SYNPO2: variants seen among roughly 807,000 people sequenced by gnomAD.
SYNPO2 encodes synaptopodin-2.
In SYNPO2, 56 loss-of-function variants were observed where a neutral mutation model predicts 85.0. The observed-to-expected ratio is 0.66, with a 90% CI of 0.53 to 0.82. The LOEUF is 0.82. SYNPO2 is among the 40% of genes least tolerant of loss of function. SYNPO2 has a pLI of 0.00. For missense variants in SYNPO2, 1,575 were observed against 1,534.2 expected, an observed-to-expected ratio of 1.03 and a Z score of -0.44; for synonymous variants, 602 against 591.1, an observed-to-expected ratio of 1.02 and a Z score of -0.27.
upstream of SYNPO2, among the ~76,000 whole-genome samples, chr4:118,887,310 G>T (rs1432055543): frequency 1.3e-5 from 2 of 151,924 alleles, no homozygotes; most frequent in Non-Finnish European, 2.9e-5. Context: ...GGAATAAGTG[G>T]GTTGGAGGAG....
chr4:118,879,297 G>C (rs554982448), intron 1 of SYNPO2, among the ~76,000 whole-genome samples: 4 of 152,320 alleles, frequency 2.6e-5, no homozygotes, highest in South Asian at 4.1e-4. Context: ...TGCCAATTCA[G>C]AGAGGGTTAG....
At chr4:118,866,105 T>C (rs1300423064) in intron 1 of SYNPO2, among the ~76,000 whole-genome samples, 1 of 152,212 alleles carries the variant, frequency 6.6e-6, no homozygotes. Context: ...TATAAACCCC[T>C]TGATGCATGT....
At position 119,048,181 on chromosome 4, in the gene SYNPO2, A is replaced by C. The variant is rs151089743; in HGVS notation, c.3253-9220A>C. 4.3e-4 allele frequency among the ~76,000 whole-genome samples: 66 copies of C among 152,316 alleles called. 1 individual carries two copies. Among genetic ancestry groups the C allele is most frequent in the African/African-American group, 1.4e-3 (59 of 41,560 alleles). ...TTGACTAGTCCTGTCTGTCTTGTTGAACATGACTTGGGGTGCATATTGGTT... is the reference window on the plus strand; with the variant it reads ...TTGACTAGTCCTGTCTGTCTTGTTGCACATGACTTGGGGTGCATATTGGTT... On this transcript the variant is annotated intron_variant, in intron 4 of 4. Coordinates refer to ENST00000307142, the MANE Select transcript of SYNPO2 (RefSeq NM_133477.3).
In SYNPO2 at chr4:118,931,605, T is replaced by C. The variant is rs559830347; in HGVS notation, c.105+42464T>C. ...ATCTAAACTCTATAAAGAACTTATCTCTGCTGTATAGATCAGGAATACCCT... is the reference window on the plus strand; with the variant it reads ...ATCTAAACTCTATAAAGAACTTATCCCTGCTGTATAGATCAGGAATACCCT... On this transcript the variant is annotated intron_variant, in intron 1 of 4. Coordinates refer to ENST00000307142, the MANE Select transcript of SYNPO2 (RefSeq NM_133477.3). Among the ~76,000 whole-genome samples, 81 of 152,322 alleles carry C rather than the reference T, an allele frequency of 5.3e-4. 1 individual carries two copies. Among genetic ancestry groups the C allele is most frequent in the African/African-American group, 1.9e-3 (78 of 41,582 alleles).
intron 1 of SYNPO2, among the ~76,000 whole-genome samples, chr4:118,907,653 A>G (rs1192219155): frequency 6.6e-6 from 1 of 152,216 alleles, no homozygotes; most frequent in Non-Finnish European, 1.5e-5. Context: ...TTTACAGTCT[A>G]TACTGTAAAC....
chr4:119,033,349 T>C (rs769911702), intron 4 of SYNPO2: 20 of 985,350 alleles, frequency 2.0e-5, no homozygotes, highest in Non-Finnish European at 2.3e-5. Context: ...TGGACCAGGA[T>C]AATTCAGGCA....
intron 1 of SYNPO2, among the ~76,000 whole-genome samples, chr4:118,898,641 A>G (rs1166543042): frequency 6.6e-6 from 1 of 152,186 alleles, no homozygotes; most frequent in Non-Finnish European, 1.5e-5. Flanking sequence ...AAGATCATAT[A>G]GTTAGTAAAT....
At chr4:118,855,124 CA>C (rs71595325) in intron 1 of SYNPO2, among the ~76,000 whole-genome samples, 54,211 of 137,084 alleles carry the variant, frequency 0.4, 11,221 homozygotes, top group East Asian at 0.56. Flanking sequence ...TTTACTAAAG[CA>C]AAAAAAAAAA....
chr4:118,960,623 A>C (rs1489550317), intron 1 of SYNPO2, among the ~76,000 whole-genome samples: 2 of 152,076 alleles, frequency 1.3e-5, no homozygotes, highest in Non-Finnish European at 1.5e-5. Flanking sequence ...CTAACTGCCT[A>C]CTGGACATCT....
At position 119,031,321 on chromosome 4, in the gene SYNPO2, C is replaced by A. The variant is rs149649606; in HGVS notation, c.2546C>A (p.Pro849Gln). The A allele has an allele frequency of 6.2e-7, 1 of 1,614,204 alleles. No individual in the cohort carries two copies. The highest frequency in any genetic ancestry group is 1.3e-5 in the African/African-American group (1 of 75,058). ...NYTPKPTVST[P>Q]TVNAVQPGAV... ...ACACCCAAACCAACAGTTTCCACAC[C>A]AACAGTCAATGCTGTTCAGCCTGGT... The change falls in exon 4 of 5, where the codon CCA becomes CAA. Residue 849 changes from proline (P) to glutamine (Q), a missense_variant. Transcript: ENST00000307142.
intron 1 of SYNPO2, among the ~76,000 whole-genome samples, chr4:118,906,074 A>G (rs1477169862): frequency 6.6e-6 from 1 of 152,216 alleles, no homozygotes; most frequent in Non-Finnish European, 1.5e-5. Flanking sequence ...GCCACATAAC[A>G]TGTATAACTA....
In SYNPO2 at chr4:118,954,539, C is replaced by T. The variant is rs1236577201; in HGVS notation, c.105+65398C>T. 3.3e-5 allele frequency among the ~76,000 whole-genome samples: 5 copies of T among 152,112 alleles called. No individual in the cohort carries two copies. In the East Asian group the frequency reaches 9.6e-4, roughly 29 times the overall value. On this transcript the variant is annotated intron_variant, in intron 1 of 4. Coordinates refer to ENST00000307142, the MANE Select transcript of SYNPO2 (RefSeq NM_133477.3). Reference sequence around the variant, plus strand: ...TCTTGACTGAAAATAAGTCTGCTGCCCATGCTGAAGCCACACTAGGCATAA... The same window carrying T: ...TCTTGACTGAAAATAAGTCTGCTGCTCATGCTGAAGCCACACTAGGCATAA...
chr4:118,939,816 G>A (rs1734238910), intron 1 of SYNPO2, among the ~76,000 whole-genome samples: 1 of 152,074 alleles, frequency 6.6e-6, no homozygotes, highest in South Asian at 2.1e-4. Flanking sequence ...CCCTAATAGA[G>A]TTACCCGTCA....
At chr4:118,914,940 T>C (rs1349361322) in intron 1 of SYNPO2, among the ~76,000 whole-genome samples, 2 of 151,700 alleles carry the variant, frequency 1.3e-5, no homozygotes, top group African/African-American at 4.8e-5. Flanking sequence ...TGTTTATGTT[T>C]TATATACTTC....
In SYNPO2 at chr4:119,027,355, C is replaced by T; in HGVS notation, c.986C>T (p.Ser329Leu). Reference sequence around the variant, plus strand: ...CCTTCTCTGGTATCCTTTGCCGTCTCATCAGAAGGCACAGAGCAGGGAGAA... The same window carrying T: ...CCTTCTCTGGTATCCTTTGCCGTCTTATCAGAAGGCACAGAGCAGGGAGAA... ...APPSLVSFAVSSEGTEQGEDP... is the reference protein window; with the variant it reads ...APPSLVSFAVLSEGTEQGEDP... Residue 329 changes from serine (S) to leucine (L), a missense_variant, in exon 3 of 5, where the codon TCA (serine) becomes TTA (leucine). Around this residue, in one of 3 missense-constraint regions of SYNPO2, gnomAD observed 1,508 missense variants for 1,446.8 expected, o/e 1.04. Transcript: ENST00000307142. 2 of 1,613,932 alleles carry T rather than the reference C, an allele frequency of 1.2e-6. No individual in the cohort carries two copies. Among genetic ancestry groups the T allele is most frequent in the Non-Finnish European group, 1.7e-6 (2 of 1,180,026 alleles).
rs566614874 is a variant in SYNPO2, at chr4:119,030,868, C to G, written c.2093C>G (p.Thr698Ser). ...AGAAGCACGACAAAACCCATGTTTA[C>G]TTTTAAAGAGCCCAAAGTAAGCCCA... ...KRRSTTKPMF[T>S]FKEPKVSPNP... Residue 698 changes from threonine to serine, a missense_variant, in exon 4 of 5, where the codon ACT becomes AGT. Transcript: ENST00000307142. 1 of 1,614,186 alleles carries G rather than the reference C, an allele frequency of 6.2e-7. No homozygotes were observed. The highest frequency in any genetic ancestry group is 1.3e-5 in the African/African-American group (1 of 75,050).
intron 1 of SYNPO2, among the ~76,000 whole-genome samples, chr4:118,916,150 A>G (rs1345109040): frequency 6.6e-6 from 1 of 150,508 alleles, no homozygotes; most frequent in African/African-American, 2.4e-5. Flanking sequence ...AACAATTTTA[A>G]TATGTCAAAC....
intron 1 of SYNPO2, among the ~76,000 whole-genome samples, chr4:118,935,686 T>C (rs1041110211): frequency 1.3e-5 from 2 of 152,270 alleles, no homozygotes; most frequent in African/African-American, 4.8e-5. Context: ...CCCCAAAACT[T>C]AGCTATTAAT....
chr4:118,977,149 G>GCACAGGAGCCCA, intron 1 of SYNPO2, among the ~76,000 whole-genome samples: 1 of 152,354 alleles, frequency 6.6e-6, no homozygotes, highest in South Asian at 2.1e-4. Flanking sequence ...CATGGAGGGG[G>GCACAGGAGCCCA]TGGGAGGCTC....
Sources: allele counts gnomAD v4.1 joint callset (sites outside exome capture counted in the v4.1 genomes callset), GRCh38; gene constraint gnomAD v4.1.1; regional missense constraint gnomAD v4.1.1; transcripts MANE v1.5; gene names NCBI Gene and HGNC (gene_info 2026-07-23, HGNC 2026-07-21).